Variants in PLG observed in about 807,000 individuals in gnomAD.
PLG encodes plasminogen.
A neutral mutation model predicts 104.4 loss-of-function variants in PLG; 41 were observed. That is an observed-to-expected ratio of 0.39 (90% CI 0.31 to 0.51). PLG has a LOEUF of 0.51. PLG is among the 20% of genes least tolerant of loss of function. PLG has a pLI of 0.76. For missense variants in PLG, 891 were observed against 1,003.6 expected (o/e 0.89, Z 1.52); for synonymous variants, 337 against 357.1 (o/e 0.94, Z 0.63).
At position 160,741,098 on chromosome 6, in the gene PLG, T is replaced by C. The variant is rs1778185486; in HGVS notation, c.2019-213T>C. On this transcript the variant is annotated intron_variant, in intron 16 of 18. Transcript: ENST00000308192. This position sits in a 1 kb window ranked among gnomAD's most constrained non-coding sequence, Gnocchi z 4.7. ...CCAGCAGTATCTTGCATGCAACTGA[T>C]GCCTTTCAAATGAAACCTTACATCT... Among the ~76,000 whole-genome samples the C allele has an allele frequency of 6.6e-6, 1 of 152,226 alleles. No individual in the cohort carries two copies. The highest frequency in any genetic ancestry group is 1.5e-5 in the Non-Finnish European group (1 of 68,034).
rs1377318613 is a variant in PLG, at chr6:160,740,265, A to C, written c.2019-1046A>C. Among the ~76,000 whole-genome samples the C allele has an allele frequency of 6.6e-6, 1 of 152,200 alleles. No individual in the cohort carries two copies. Among genetic ancestry groups the C allele is most frequent in the Non-Finnish European group, 1.5e-5 (1 of 68,032 alleles). ...GAAGAGCCTTTCCAGCTCAGCCTTT[A>C]TAAACAGTAGCTGATCTCCCTCCTG... On this transcript the variant is annotated intron_variant, in intron 16 of 18. Coordinates refer to ENST00000308192, the MANE Select transcript of PLG (RefSeq NM_000301.5). This position sits in a 1 kb window ranked among gnomAD's most constrained non-coding sequence, Gnocchi z 5.2.
intron 10 of PLG, chr6:160,730,708 C>G (rs966698469): frequency 3.8e-6 from 1 of 264,906 alleles, no homozygotes; most frequent in Admixed American, 4.9e-5. Context: ...ATAAAATATG[C>G]ACTTTAAAAT....
In PLG at chr6:160,732,041, G is replaced by T. The variant is rs1033787900; in HGVS notation, c.1587+148G>T. 6.0e-6 allele frequency: 5 copies of T among 837,620 alleles called. No homozygotes were observed. In the Admixed American group the frequency reaches 9.6e-5, roughly 16 times the overall value. The allele number at this position is 837,620 out of a possible 1,614,324, so 51.9% of individuals were successfully genotyped here. ...GAAGAAAATATTGGAAAGGCATCAGGGGGCTAAGCTAGAATATAATTGGCC... is the reference window on the plus strand; with the variant it reads ...GAAGAAAATATTGGAAAGGCATCAGTGGGCTAAGCTAGAATATAATTGGCC... On this transcript the variant is annotated intron_variant, in intron 12 of 18. Coordinates refer to ENST00000308192, the MANE Select transcript of PLG (RefSeq NM_000301.5). This position sits in a 1 kb window ranked among gnomAD's most constrained non-coding sequence, Gnocchi z 4.5.
chr6:160,733,298 G>C lies in PLG; in HGVS notation c.1588-697G>C, dbSNP rs370997925. On this transcript the variant is annotated intron_variant, in intron 12 of 18. Transcript: ENST00000308192. Reference sequence around the variant, plus strand: ...ATCAACAGCAAACAGGCTTCATCGGGTAGGAGAGCGCTGAGCCCTCCAGGG... The same window carrying C: ...ATCAACAGCAAACAGGCTTCATCGGCTAGGAGAGCGCTGAGCCCTCCAGGG... 2.1e-4 allele frequency among the ~76,000 whole-genome samples: 32 copies of C among 152,270 alleles called. No individual in the cohort carries two copies. In the East Asian group the frequency reaches 5.2e-3, roughly 25 times the overall value.
intron 7 of PLG, among the ~76,000 whole-genome samples, chr6:160,717,466 T>G (rs972208917): frequency 1.3e-5 from 2 of 152,206 alleles, no homozygotes; most frequent in Admixed American, 6.5e-5. Context: ...ATTTCTCTTT[T>G]TTTTTCAGTT....
In PLG at chr6:160,706,454, C is replaced by G. The variant is rs774229224; in HGVS notation, c.97C>G (p.Leu33Val). 8.7e-6 allele frequency: 14 copies of G among 1,613,650 alleles called. No homozygotes were observed. The highest frequency in any genetic ancestry group is 1.2e-5 in the Non-Finnish European group (14 of 1,179,732). The change falls in exon 2 of 19, where the codon CTG becomes GTG. Residue 33 changes from leucine (L) to valine (V), a missense_variant. Around this residue, in one of 2 missense-constraint regions of PLG, gnomAD observed 854 missense variants for 932.1 expected, o/e 0.92. Transcript: ENST00000308192. Reference protein sequence around the residue: ...DDYVNTQGASLFSVTKKQLGA... With the variant: ...DDYVNTQGASVFSVTKKQLGA... Reference sequence around the variant, plus strand: ...CTATGTGAATACCCAGGGGGCTTCACTGTTCAGTGTCACTAAGAAGCAGCT... The same window carrying G: ...CTATGTGAATACCCAGGGGGCTTCAGTGTTCAGTGTCACTAAGAAGCAGCT...
In PLG at chr6:160,716,733, C is replaced by A; in HGVS notation, c.757C>A (p.Arg253Ser). The change falls in exon 7 of 19, where the codon CGC (arginine) becomes AGC (serine). Residue 253 changes from arginine to serine, a missense_variant. This residue lies in a region of PLG where 854 missense variants were observed against 932.1 expected (regional missense o/e 0.92). Transcript: ENST00000308192. ...GTGTTTCACCACCGACCCCAACAAGCGCTGGGAACTTTGTGACATCCCCCG... is the reference window on the plus strand; with the variant it reads ...GTGTTTCACCACCGACCCCAACAAGAGCTGGGAACTTTGTGACATCCCCCG... ...PWCFTTDPNK[R>S]WELCDIPRCT... 1 of 1,611,602 alleles carries A rather than the reference C, an allele frequency of 6.2e-7. No individual in the cohort carries two copies. The highest frequency in any genetic ancestry group is 8.5e-7 in the Non-Finnish European group (1 of 1,177,666).
Position 160,736,945 on chromosome 6 carries a change from G to A in PLG, c.1740G>A (p.Arg580=). The change falls in exon 14 of 19, where the codon AGG becomes AGA. Residue 580 remains arginine (R), a synonymous_variant. Transcript: ENST00000308192. The surrounding 1 kb of genome is among the most constrained non-coding windows in gnomAD (Gnocchi z 5.2). ...PQVEPKKCPG[R]VVGGCVAHPH... ...TGGAGCCGAAGAAATGTCCTGGAAG[G>A]GTTGTAGGGGGGTGTGTGGCCCACC... 6.2e-7 allele frequency: 1 copy of A among 1,614,014 alleles called. No individual in the cohort carries two copies.
rs117528117 is a variant in PLG, at chr6:160,745,578, C to A, written c.2125+4161C>A. Among the ~76,000 whole-genome samples, 214 of 152,246 alleles carry A rather than the reference C, an allele frequency of 1.4e-3. 5 individuals are homozygous for A. In the East Asian group the frequency reaches 0.035, roughly 25 times the overall value. On this transcript the variant is annotated intron_variant, in intron 17 of 18. Coordinates refer to ENST00000308192, the MANE Select transcript of PLG (RefSeq NM_000301.5). ...AGATGGGTCTCTTGAAGGTAGCATA[C>A]CAGTGGGTCTTGCTTTTTATCCAGC...
Position 160,745,271 on chromosome 6 carries a change from A to G in PLG, c.2125+3854A>G, listed in dbSNP as rs143303082. On this transcript the variant is annotated intron_variant, in intron 17 of 18. Transcript: ENST00000308192. ...TGGAGTACTGAAGTCTCCCACTATT[A>G]TTTTGTGGGCGTCTAAGTCTCTTTG... Among the ~76,000 whole-genome samples the G allele has an allele frequency of 5.0e-4, 76 of 152,230 alleles. No individual in the cohort carries two copies. The East Asian group carries it at 0.014, about 28-fold the overall frequency.
In PLG at chr6:160,711,100, G is replaced by T. The variant is rs141284301; in HGVS notation, c.316G>T (p.Gly106Trp). Residue 106 changes from glycine (G) to tryptophan (W), a missense_variant, in exon 4 of 19, where the codon GGG becomes TGG. By Grantham distance (184) the Gly-to-Trp change is radical. This residue lies in a region of PLG where 854 missense variants were observed against 932.1 expected (regional missense o/e 0.92). Transcript: ENST00000308192. ...AGTGTATCTCTCAGAGTGCAAGACT[G>T]GGAATGGAAAGAACTACAGAGGGAC... ...KKVYLSECKT[G>W]NGKNYRGTMS... 8.1e-6 allele frequency: 13 copies of T among 1,612,460 alleles called. No individual in the cohort carries two copies. Among genetic ancestry groups the T allele is most frequent in the Non-Finnish European group, 1.1e-5 (13 of 1,178,636 alleles).
rs1777737361 is a variant in PLG, at chr6:160,716,665, A to G, written c.689A>G (p.Lys230Arg). 1.9e-6 allele frequency: 3 copies of G among 1,608,354 alleles called. No individual in the cohort carries two copies. Among genetic ancestry groups the G allele is most frequent in the Non-Finnish European group, 2.6e-6 (3 of 1,174,826 alleles). Residue 230 changes from lysine to arginine, a missense_variant, in exon 7 of 19, where the codon AAG becomes AGG. This residue lies in a region of PLG where 854 missense variants were observed against 932.1 expected (regional missense o/e 0.92). Coordinates refer to ENST00000308192, the MANE Select transcript of PLG (RefSeq NM_000301.5). ...TTCAGATTTCCAAACAAGAACCTGAAGAAGAATTACTGTCGTAACCCCGAT... is the reference window on the plus strand; with the variant it reads ...TTCAGATTTCCAAACAAGAACCTGAGGAAGAATTACTGTCGTAACCCCGAT... The part of the protein sequence containing the change: ...IPSKFPNKNL[K>R]KNYCRNPDRE...
intron 3 of PLG, among the ~76,000 whole-genome samples, chr6:160,709,089 CT>C (rs1365103925): frequency 6.6e-6 from 1 of 151,714 alleles, no homozygotes; most frequent in African/African-American, 2.4e-5. Context: ...AGTTTGAAGT[CT>C]GAAGTTTGAA....
At position 160,731,194 on chromosome 6, in the gene PLG, T is replaced by C. The variant is rs1291818105; in HGVS notation, c.1400T>C (p.Val467Ala). The C allele has an allele frequency of 6.2e-7, 1 of 1,614,188 alleles. No homozygotes were observed. Among genetic ancestry groups the C allele is most frequent in the African/African-American group, 1.3e-5 (1 of 75,056 alleles). ...TEASVVAPPPVVLLPDVETPS... is the reference protein window; with the variant it reads ...TEASVVAPPPAVLLPDVETPS... ...GCGAGTGTTGTAGCACCTCCGCCTG[T>C]TGTCCTGCTTCCAGATGTAGAGACT... The change falls in exon 11 of 19, where the codon GTT becomes GCT. Residue 467 changes from valine (V) to alanine (A), a missense_variant. By Grantham distance (64) the Val-to-Ala change is moderately conservative (BLOSUM62 0). Around this residue, in one of 2 missense-constraint regions of PLG, gnomAD observed 854 missense variants for 932.1 expected, o/e 0.92. Coordinates refer to ENST00000308192, the MANE Select transcript of PLG (RefSeq NM_000301.5). This position sits in a 1 kb window ranked among gnomAD's most constrained non-coding sequence, Gnocchi z 5.1.
At chr6:160,721,885 G>A (rs1777835828) in intron 9 of PLG, among the ~76,000 whole-genome samples, 1 of 152,184 alleles carries the variant, frequency 6.6e-6, no homozygotes, top group Non-Finnish European at 1.5e-5. Context: ...ACTTCTCCAA[G>A]GGAATAAGAT....
Position 160,740,499 on chromosome 6 carries a change from C to T in PLG, c.2019-812C>T, listed in dbSNP as rs1018340555. Among the ~76,000 whole-genome samples the T allele has an allele frequency of 6.6e-5, 10 of 152,202 alleles. No individual in the cohort carries two copies. The highest frequency in any genetic ancestry group is 4.6e-4 in the Admixed American group (7 of 15,284). ...CACCCCGAGTCTAGGGCATTTAGTG[C>T]TCCACCAGGGAACCTGTAGAGTGAG... On this transcript the variant is annotated intron_variant, in intron 16 of 18. Transcript: ENST00000308192. This position sits in a 1 kb window ranked among gnomAD's most constrained non-coding sequence, Gnocchi z 5.2.
At chr6:160,733,846 G>GAA (rs10540264) in intron 12 of PLG, 149 bp from the exon 13 acceptor site, 537 of 348,204 alleles carry the variant, frequency 1.5e-3, no homozygotes, top group South Asian at 3.6e-3. Context: ...CTCCACCTCA[G>GAA]AAAAAAAAAA....
At chr6:160,718,249 T>C in intron 7 of PLG, 45 bp from the exon 8 acceptor site, 1 of 1,559,874 alleles carries the variant, frequency 6.4e-7, no homozygotes, top group Non-Finnish European at 8.8e-7. Flanking sequence ...AGACTCCGTC[T>C]CAAAAAATAT....
In PLG at chr6:160,731,246, G is replaced by A; in HGVS notation, c.1438+14G>A. The A allele has an allele frequency of 7.5e-6, 12 of 1,608,408 alleles. No individual in the cohort carries two copies. Among genetic ancestry groups the A allele is most frequent in the Non-Finnish European group, 1.0e-5 (12 of 1,175,338 alleles). On this transcript the variant is annotated intron_variant, in intron 11 of 18. Coordinates refer to ENST00000308192, the MANE Select transcript of PLG (RefSeq NM_000301.5). This position sits in a 1 kb window ranked among gnomAD's most constrained non-coding sequence, Gnocchi z 5.1. ...CTTCCGAAGAAGGTAAGAAATCTGT[G>A]GCTGGACATCTACACACTTGGACGC... is the stretch of plus-strand genomic sequence containing the variant.
Sources: allele counts gnomAD v4.1 joint callset (sites outside exome capture counted in the v4.1 genomes callset), GRCh38; gene constraint gnomAD v4.1.1; regional missense constraint gnomAD v4.1.1; non-coding constraint Gnocchi (gnomAD v3.1); transcripts MANE v1.5; gene names NCBI Gene and HGNC (gene_info 2026-07-23, HGNC 2026-07-21).